The following ADM2 variants were observed in gnomAD, a reference collection of about 807,000 sequenced individuals.
ADM2 encodes protein ADM2.
A neutral mutation model predicts 7.1 loss-of-function variants in ADM2; 5 were observed. That is an observed-to-expected ratio of 0.71 (90% CI 0.37 to 1.49). The LOEUF (loss-of-function observed/expected upper bound fraction) is 1.49, where lower values mean the gene tolerates loss of function less well. Among genes scored for constraint, ADM2 ranks in the 40% most tolerant of loss-of-function variants. The probability of loss-of-function intolerance (pLI) is 0.03; values close to 1 mark genes in which losing one functional copy is unlikely to be tolerated. For synonymous variants in ADM2, 123 were observed against 92.8 expected, an observed-to-expected ratio of 1.33 and a Z score of -1.87; for missense variants, 236 against 211.2, an observed-to-expected ratio of 1.12 and a Z score of -0.73.
chr22:50,482,623 G>T lies in ADM2; in HGVS notation c.167G>T (p.Arg56Leu). Residue 56 changes from arginine (R) to leucine (L), a missense_variant, in exon 3 of 3, where the codon CGA becomes CTA. Physicochemically the swap from Arg to Leu is moderately radical, Grantham distance 102. Transcript: ENST00000395737. ...CTGCAGCCCAGGCACCCCGCACCCCGACCTGTGGTCTGGAAGCTTCACCGG... is the reference window on the plus strand; with the variant it reads ...CTGCAGCCCAGGCACCCCGCACCCCTACCTGTGGTCTGGAAGCTTCACCGG... ...SSLQPRHPAPRPVVWKLHRAL... is the reference protein window; with the variant it reads ...SSLQPRHPAPLPVVWKLHRAL... 1 of 1,517,456 alleles carries T rather than the reference G, an allele frequency of 6.6e-7. No homozygotes were observed. The highest frequency in any genetic ancestry group is 2.1e-5 in the Admixed American group (1 of 46,906). 94.0% of individuals were successfully genotyped at this position (1,517,456 alleles called of 1,614,324 possible).
chr22:50,482,967 A>C lies in ADM2; in HGVS notation c.*64A>C. 1 of 1,538,036 alleles carries C rather than the reference A, an allele frequency of 6.5e-7. No individual in the cohort carries two copies. Among genetic ancestry groups the C allele is most frequent in the Non-Finnish European group, 8.7e-7 (1 of 1,147,290 alleles). The stretch of plus-strand genomic sequence containing the variant: ...GTGCTGTGCCCCCGTCCAGAGCTGC[A>C]GCTGAGCCCCATCTGAAGCCCAGTC... On this transcript the variant is annotated 3_prime_UTR_variant, in exon 3 of 3. Transcript: ENST00000395737.
Position 50,484,596 on chromosome 22 carries a change from G to C in ADM2, c.*1693G>C, listed in dbSNP as rs181583267. 3.3e-5 allele frequency: 5 copies of C among 152,694 alleles called. No homozygotes were observed. In the East Asian group the frequency reaches 9.6e-4, roughly 29 times the overall value. The allele number at this position is 152,694 out of a possible 1,614,324, so 9.5% of individuals were successfully genotyped here. A position where few individuals can be genotyped will look rare whatever the true frequency, so the allele number is the denominator to read the frequency against. The stretch of plus-strand genomic sequence containing the variant: ...GGGGGCCCTGGGGCAAGGCTCGGGG[G>C]TCAGGAGCTCAGCGTCCGCTACTCA... On this transcript the variant is annotated 3_prime_UTR_variant, in exon 3 of 3. Coordinates refer to ENST00000395737, the MANE Select transcript of ADM2 (RefSeq NM_001253845.2).
At chr22:50,482,144 T>TACACAGGGCAGTTGCTCCTCCCC (rs1485342415) in intron 2 of ADM2, among the ~76,000 whole-genome samples, 187 bp downstream of exon 2, 3 of 152,132 alleles carry the variant, frequency 2.0e-5, no homozygotes, top group African/African-American at 7.2e-5. Flanking sequence ...TCTGCCTCCC[T>TACACAGGGCAGTTGCTCCTCCCC]ACACAGGGCA....
chr22:50,483,003 G>A lies in ADM2; in HGVS notation c.*100G>A. The A allele has an allele frequency of 1.3e-6, 2 of 1,521,278 alleles. No individual in the cohort carries two copies. The highest frequency in any genetic ancestry group is 1.8e-6 in the Non-Finnish European group (2 of 1,133,568). 94.2% of individuals were successfully genotyped at this position (1,521,278 alleles called of 1,614,324 possible). On this transcript the variant is annotated 3_prime_UTR_variant, in exon 3 of 3. Transcript: ENST00000395737. The stretch of plus-strand genomic sequence containing the variant: ...ATCTGAAGCCCAGTCCCTCGGAGCT[G>A]CAGACAGCAGGTCCTGCAGCAACAA...
At chr22:50,482,020 G>A (rs1427648716) in intron 2 of ADM2, 63 bp downstream of exon 2, 40 of 1,422,158 alleles carry the variant, frequency 2.8e-5, no homozygotes, top group Middle Eastern at 3.5e-4. Flanking sequence ...AGTGCCGGGG[G>A]CCGCGGGGCC....
rs1569516255 is a variant in ADM2 at position 50,486,309 on chromosome 22, C to G, written c.*3406C>G. On this transcript the variant is annotated 3_prime_UTR_variant, in exon 3 of 3. Transcript: ENST00000395737. ...ACTCCAGTGAGAATCCCCCTACCCT[C>G]GAAGGCCGCCCTAACAACTTCCCAT... 2 of 155,506 alleles carry G rather than the reference C, an allele frequency of 1.3e-5. No individual in the cohort carries two copies. Among genetic ancestry groups the G allele is most frequent in the Admixed American group, 6.3e-5 (1 of 15,898 alleles). 9.6% of individuals were successfully genotyped at this position (155,506 alleles called of 1,614,324 possible).
chr22:50,481,809 G>C, intron 1 of ADM2, 28 bp from the exon 2 acceptor site: 1 of 1,414,812 alleles, frequency 7.1e-7, no homozygotes, highest in African/African-American at 1.5e-5. Context: ...CCCCCGACGT[G>C]CCCGGCTCAC....
Position 50,481,622 on chromosome 22 carries a change from C to G in ADM2, c.-153C>G. On this transcript the variant is annotated 5_prime_UTR_variant, in exon 1 of 3. Coordinates refer to ENST00000395737, the MANE Select transcript of ADM2 (RefSeq NM_001253845.2). ...CAGGCAGGACCCCCAACCCGCCCAG[C>G]CCGCTCCGCCTTGCGCCCCGGACCC... 3.8e-6 allele frequency: 1 copy of G among 262,204 alleles called. No homozygotes were observed. Among genetic ancestry groups the G allele is most frequent in the Non-Finnish European group, 7.1e-6 (1 of 141,128 alleles). The allele number at this position is 262,204 out of a possible 1,614,324, so 16.2% of individuals were successfully genotyped here.
chr22:50,482,053 T>A (rs1445964050), intron 2 of ADM2, 96 bp downstream of exon 2: 3 of 1,146,702 alleles, frequency 2.6e-6, no homozygotes, highest in African/African-American at 1.6e-5. Flanking sequence ...CGCCTCCACC[T>A]GCTGCTAGGA....
chr22:50,481,642 G>GGACCCGCGGCCGACCCCA lies in ADM2; in HGVS notation c.-125_-108dup, dbSNP rs1320021266. ...CCCAGCCCGCTCCGCCTTGCGCCCC[G>GGACCCGCGGCCGACCCCA]GACCCGCGGCCGACCCCAGACCCGC... On this transcript the variant is annotated 5_prime_UTR_variant, in exon 1 of 3. Coordinates refer to ENST00000395737, the MANE Select transcript of ADM2 (RefSeq NM_001253845.2). The GGACCCGCGGCCGACCCCA allele has an allele frequency of 4.4e-6, 1 of 225,452 alleles. No individual in the cohort carries two copies. Among genetic ancestry groups the GGACCCGCGGCCGACCCCA allele is most frequent in the Non-Finnish European group, 8.5e-6 (1 of 118,182 alleles). The allele number at this position is 225,452 out of a possible 1,614,324, so 14.0% of individuals were successfully genotyped here.
rs1174819277 is a variant in ADM2, at chr22:50,482,731, C to T, written c.275C>T (p.Pro92Leu). 1 of 1,281,008 alleles carries T rather than the reference C, an allele frequency of 7.8e-7. No homozygotes were observed. The highest frequency in any genetic ancestry group is 1.1e-6 in the Non-Finnish European group (1 of 944,164). 79.4% of individuals were successfully genotyped at this position (1,281,008 alleles called of 1,614,324 possible). Reference sequence around the variant, plus strand: ...GATGGTGGCCGCCAACACTCGGGCCCCCGAAGACACTCGGGCCCCCGCAGG... The same window carrying T: ...GATGGTGGCCGCCAACACTCGGGCCTCCGAAGACACTCGGGCCCCCGCAGG... ...LRDGGRQHSG[P>L]RRHSGPRRTQ... The change falls in exon 3 of 3, where the codon CCC becomes CTC. Residue 92 changes from proline to leucine, a missense_variant. By Grantham distance (98) the Pro-to-Leu change is moderately conservative. Coordinates refer to ENST00000395737, the MANE Select transcript of ADM2 (RefSeq NM_001253845.2).
Position 50,482,698 on chromosome 22 carries a change from C to T in ADM2, c.242C>T (p.Pro81Leu). ...GGCCTGGCCCCTGTTATGGGTCAGC[C>T]TCTCCGGGATGGTGGCCGCCAACAC... ...GAGLAPVMGQ[P>L]LRDGGRQHSG... Residue 81 changes from proline (P) to leucine (L), a missense_variant, in exon 3 of 3, where the codon CCT (proline) becomes CTT (leucine). By Grantham distance (98) the Pro-to-Leu change is moderately conservative. Transcript: ENST00000395737. 6.2e-7 allele frequency: 1 copy of T among 1,604,996 alleles called. No individual in the cohort carries two copies. The highest frequency in any genetic ancestry group is 1.7e-5 in the Admixed American group (1 of 59,528).
chr22:50,481,700 C>T lies in ADM2; in HGVS notation c.-75C>T, dbSNP rs1304867571. 4 of 400,074 alleles carry T rather than the reference C, an allele frequency of 1.0e-5. No individual in the cohort carries two copies. In the East Asian group the frequency reaches 1.8e-4, roughly 18 times the overall value. The allele number at this position is 400,074 out of a possible 1,614,324, so 24.8% of individuals were successfully genotyped here. ...TTCGCGCCCGAGGCCTGCGCCCCGACGGACGCCCGTGCCCAGCTTGCCACG... is the reference window on the plus strand; with the variant it reads ...TTCGCGCCCGAGGCCTGCGCCCCGATGGACGCCCGTGCCCAGCTTGCCACG... On this transcript the variant is annotated 5_prime_UTR_variant, in exon 1 of 3. In the 5' UTR this introduces an upstream ATG that the reference lacks. Transcript: ENST00000395737.
At chr22:50,482,073 C>T (rs1380198448) in intron 2 of ADM2, 116 bp downstream of exon 2, 2 of 961,500 alleles carry the variant, frequency 2.1e-6, no homozygotes, top group African/African-American at 1.7e-5. Flanking sequence ...ACTCCCCTCC[C>T]AAACAAAGGC....
chr22:50,481,758 C>G lies in ADM2; in HGVS notation c.-17C>G. 1 of 894,622 alleles carries G rather than the reference C, an allele frequency of 1.1e-6. No homozygotes were observed. Among genetic ancestry groups the G allele is most frequent in the Non-Finnish European group, 1.6e-6 (1 of 639,404 alleles). 55.4% of individuals were successfully genotyped at this position (894,622 alleles called of 1,614,324 possible). A position where few individuals can be genotyped will look rare whatever the true frequency, so the allele number is the denominator to read the frequency against. On this transcript the variant is annotated 5_prime_UTR_variant, in exon 1 of 3. Coordinates refer to ENST00000395737, the MANE Select transcript of ADM2 (RefSeq NM_001253845.2). ...CCGGCGCCCCGACCGCGGAGGACTC[C>G]CCGAGGTGCCGGCGGAGGGGGTGGC...
At position 50,483,132 on chromosome 22, in the gene ADM2, T is replaced by C. The variant is rs1367081680; in HGVS notation, c.*229T>C. On this transcript the variant is annotated 3_prime_UTR_variant, in exon 3 of 3. Transcript: ENST00000395737. ...AAATTGTGACCCCCTGGGGGACAGC[T>C]GCCAGACACAGCTGGCGGCAGCACC... The C allele has an allele frequency of 1.6e-5, 12 of 758,932 alleles. No individual in the cohort carries two copies. In the South Asian group the frequency reaches 1.8e-4, roughly 11 times the overall value. 47.0% of individuals were successfully genotyped at this position (758,932 alleles called of 1,614,324 possible). A position where few individuals can be genotyped will look rare whatever the true frequency, so the allele number is the denominator to read the frequency against.
At chr22:50,482,062 G>C (rs1245643074) in intron 2 of ADM2, 105 bp downstream of exon 2, 2 of 1,076,654 alleles carry the variant, frequency 1.9e-6, no homozygotes, top group Non-Finnish European at 2.6e-6. Context: ...CTGCTGCTAG[G>C]ACTCCCCTCC....
rs1024658769 is a variant in ADM2, at chr22:50,484,943, G to C, written c.*2040G>C. 3 of 152,194 alleles carry C rather than the reference G, an allele frequency of 2.0e-5. No individual in the cohort carries two copies. The highest frequency in any genetic ancestry group is 7.2e-5 in the African/African-American group (3 of 41,408). 9.4% of individuals were successfully genotyped at this position (152,194 alleles called of 1,614,324 possible). On this transcript the variant is annotated 3_prime_UTR_variant, in exon 3 of 3. Transcript: ENST00000395737. ...CTAGCACATTGGGAGGCCAAGGCAG[G>C]CACATCACCTGAGTTCAGGAGTTCA...
In ADM2 at chr22:50,482,625, C is replaced by T. The variant is rs762008830; in HGVS notation, c.169C>T (p.Pro57Ser). 2.6e-5 allele frequency: 39 copies of T among 1,522,978 alleles called. No individual in the cohort carries two copies. The highest frequency in any genetic ancestry group is 2.5e-4 in the South Asian group (20 of 78,680). 94.3% of individuals were successfully genotyped at this position (1,522,978 alleles called of 1,614,324 possible). The change falls in exon 3 of 3, where the codon CCT becomes TCT. Residue 57 changes from proline to serine, a missense_variant. By Grantham distance (74) the Pro-to-Ser change is moderately conservative. Coordinates refer to ENST00000395737, the MANE Select transcript of ADM2 (RefSeq NM_001253845.2). Reference sequence around the variant, plus strand: ...GCAGCCCAGGCACCCCGCACCCCGACCTGTGGTCTGGAAGCTTCACCGGGC... The same window carrying T: ...GCAGCCCAGGCACCCCGCACCCCGATCTGTGGTCTGGAAGCTTCACCGGGC... ...SLQPRHPAPRPVVWKLHRALQ... is the reference protein window; with the variant it reads ...SLQPRHPAPRSVVWKLHRALQ...
Sources: gnomAD v4.1 joint callset for allele counts (sites outside exome capture counted in the v4.1 genomes callset) on GRCh38, gnomAD v4.1.1 for gene constraint, MANE v1.5 for transcripts, NCBI Gene and HGNC (gene_info 2026-07-23, HGNC 2026-07-21) for gene names.